Variants in DEPDC1B observed in about 807,000 individuals in gnomAD.
DEPDC1B encodes DEP domain-containing protein 1B.
In DEPDC1B, 51 loss-of-function variants were observed where a neutral mutation model predicts 66.5. The observed-to-expected ratio is 0.77, with a 90% CI of 0.61 to 0.97. The LOEUF (loss-of-function observed/expected upper bound fraction) is 0.97. DEPDC1B is among the 50% of genes least tolerant of loss of function. The probability of loss-of-function intolerance (pLI) is 0.00; values close to 1 mark genes in which losing one functional copy is unlikely to be tolerated. For synonymous variants in DEPDC1B, 226 were observed against 223.6 expected (o/e 1.01, Z -0.10); for missense variants, 552 against 637.1 (o/e 0.87, Z 1.44).
At chr5:60,614,072 A>AAAC (rs1752481932) in intron 7 of DEPDC1B, among the ~76,000 whole-genome samples, 1 of 152,138 alleles carries the variant, frequency 6.6e-6, no homozygotes, top group African/African-American at 2.4e-5. Flanking sequence ...ACACCTTTGT[A>AAAC]AATCTTTCCT....
At chr5:60,699,651 A>G (rs1226636497) in intron 1 of DEPDC1B, among the ~76,000 whole-genome samples, 1 of 152,082 alleles carries the variant, frequency 6.6e-6, no homozygotes, top group East Asian at 1.9e-4. Context: ...GGAAGGAGAC[A>G]CGCCCTGCCT....
chr5:60,609,535 C>T (rs1270985170), intron 7 of DEPDC1B, among the ~76,000 whole-genome samples: 2 of 152,132 alleles, frequency 1.3e-5, no homozygotes, highest in Non-Finnish European at 1.5e-5. Context: ...GTTGCTTACT[C>T]CCAAAGCTAA....
chr5:60,600,078 G>C (rs1380259656), intron 9 of DEPDC1B, among the ~76,000 whole-genome samples: 2 of 152,142 alleles, frequency 1.3e-5, no homozygotes, highest in Non-Finnish European at 2.9e-5. Flanking sequence ...GATAATGTTG[G>C]ATATCCACTG....
At chr5:60,636,303 G>T (rs1455244904) in intron 7 of DEPDC1B, among the ~76,000 whole-genome samples, 2 of 152,108 alleles carry the variant, frequency 1.3e-5, no homozygotes, top group Admixed American at 6.5e-5. Context: ...CTTTTTTAAA[G>T]AATCTTTAGA....
At chr5:60,622,475 C>T (rs1012240479) in intron 7 of DEPDC1B, among the ~76,000 whole-genome samples, 1 of 152,130 alleles carries the variant, frequency 6.6e-6, no homozygotes, top group African/African-American at 2.4e-5. Context: ...TAGATTGTTT[C>T]CAATGTTTTG....
intron 7 of DEPDC1B, among the ~76,000 whole-genome samples, chr5:60,615,900 G>T (rs1584031155): frequency 6.6e-6 from 1 of 152,216 alleles, no homozygotes; most frequent in South Asian, 2.1e-4. Context: ...CGCAGTAGGG[G>T]CTGAATGACA....
At chr5:60,630,562 A>C (rs1202760022) in intron 7 of DEPDC1B, 1 of 152,314 alleles carries the variant, frequency 6.6e-6, no homozygotes, top group Admixed American at 6.5e-5. Context: ...AAACCAAAAC[A>C]AAACAAAACA....
chr5:60,660,804 G>A (rs1753697244), intron 2 of DEPDC1B, among the ~76,000 whole-genome samples: 1 of 152,136 alleles, frequency 6.6e-6, no homozygotes, highest in South Asian at 2.1e-4. Context: ...CCTAACAGAG[G>A]ATTTAAATCT....
intron 8 of DEPDC1B, 32 bp downstream of exon 8, chr5:60,605,658 A>G: frequency 6.2e-7 from 1 of 1,601,040 alleles, no homozygotes; most frequent in Non-Finnish European, 8.5e-7. Context: ...TTCATTCCAA[A>G]AAGTCATACC....
chr5:60,647,264 G>T, intron 3 of DEPDC1B, 134 bp downstream of exon 3: 1 of 1,079,736 alleles, frequency 9.3e-7, no homozygotes. Flanking sequence ...TCTCCCAGCT[G>T]TTGGCAGGTA....
chr5:60,597,811 AT>A lies in DEPDC1B; in HGVS notation c.1531del (p.Met511CysfsTer4). Reference sequence around the variant, plus strand: ...TTGGAAAGGCTTCTTTAGTGCCCACATTAGCAGCTGTGGTTTCGGTTTGGGT... The same window carrying A: ...TTGGAAAGGCTTCTTTAGTGCCCACATAGCAGCTGTGGTTTCGGTTTGGGT... ...EKPKPKPQLL[M>X]WALKKPFQPF... On this transcript the variant is annotated frameshift_variant, in exon 11 of 11. Coordinates refer to ENST00000265036, the MANE Select transcript of DEPDC1B (RefSeq NM_018369.3). LOFTEE classifies it high-confidence loss of function. The A allele has an allele frequency of 6.2e-7, 1 of 1,613,542 alleles. No individual in the cohort carries two copies. Among genetic ancestry groups the A allele is most frequent in the Non-Finnish European group, 8.5e-7 (1 of 1,179,680 alleles).
At chr5:60,662,244 C>T (rs529358345) in intron 2 of DEPDC1B, among the ~76,000 whole-genome samples, 19 of 152,110 alleles carry the variant, frequency 1.2e-4, no homozygotes, top group African/African-American at 3.9e-4. Context: ...AAAAATTAGC[C>T]GGGCATGGTG....
chr5:60,635,878 G>A (rs1584050607), intron 7 of DEPDC1B, among the ~76,000 whole-genome samples: 1 of 152,158 alleles, frequency 6.6e-6, no homozygotes, highest in Admixed American at 6.5e-5. Flanking sequence ...GGTCAAATCA[G>A]ACGTTTTCAT....
intron 1 of DEPDC1B, 111 bp downstream of exon 1, chr5:60,699,935 C>T (rs1754747064): frequency 1.5e-6 from 2 of 1,340,188 alleles, no homozygotes; most frequent in Admixed American, 2.0e-5. Flanking sequence ...ATGCTCCACA[C>T]CCGAGCCCCG....
At chr5:60,617,783 T>A (rs902583205) in intron 7 of DEPDC1B, among the ~76,000 whole-genome samples, 1 of 152,126 alleles carries the variant, frequency 6.6e-6, no homozygotes, top group Non-Finnish European at 1.5e-5. Context: ...CTGCACCAAG[T>A]GGACCTAATA....
chr5:60,631,003 T>G (rs1469331135), intron 7 of DEPDC1B: 1 of 156,370 alleles, frequency 6.4e-6, no homozygotes, highest in African/African-American at 2.4e-5. Context: ...TATGAGAATG[T>G]GTCTTCAGTG....
intron 2 of DEPDC1B, among the ~76,000 whole-genome samples, chr5:60,654,860 CTCTT>C (rs1753541225): frequency 6.7e-6 from 1 of 148,792 alleles, no homozygotes; most frequent in Non-Finnish European, 1.5e-5. Flanking sequence ...TTGTCAAATG[CTCTT>C]TCTGTGTCTA....
intron 7 of DEPDC1B, among the ~76,000 whole-genome samples, chr5:60,624,356 T>C (rs1223137492): frequency 1.1e-4 from 17 of 152,326 alleles, no homozygotes; most frequent in Admixed American, 4.6e-4. Context: ...TTGGCCATGA[T>C]GTATTATTGT....
chr5:60,638,790 T>C lies in DEPDC1B; in HGVS notation c.858A>G (p.Leu286=), dbSNP rs765047737. The part of the protein sequence containing the change: ...ADYYGHLKEP[L]LTFHLFDAFV... ...AAGCATCAAAAAGATGAAATGTAAG[T>C]AGAGGCTCTTTCAAGTGACCATAGT... is the stretch of plus-strand genomic sequence containing the variant. Residue 286 remains leucine (L), a synonymous_variant, in exon 7 of 11, where the codon CTA becomes CTG. Coordinates refer to ENST00000265036, the MANE Select transcript of DEPDC1B (RefSeq NM_018369.3). 157 of 1,612,156 alleles carry C rather than the reference T, an allele frequency of 9.7e-5. No homozygotes were observed. Among genetic ancestry groups the C allele is most frequent in the Non-Finnish European group, 1.3e-4 (155 of 1,179,224 alleles).
Sources: allele counts gnomAD v4.1 joint callset (sites outside exome capture counted in the v4.1 genomes callset), GRCh38; gene constraint gnomAD v4.1.1; transcripts MANE v1.5; gene names NCBI Gene and HGNC (gene_info 2026-07-23, HGNC 2026-07-21).